PRKG1: variants seen among roughly 807,000 people sequenced by gnomAD.
PRKG1 encodes the protein protein kinase cGMP-dependent 1.
In PRKG1, 35 loss-of-function variants were observed where a neutral mutation model predicts 88.1. The observed-to-expected ratio is 0.40, with a 90% CI of 0.30 to 0.53. The LOEUF is 0.53. Among genes scored for constraint, PRKG1 ranks in the 20% least tolerant of loss-of-function variants. The pLI, the probability that PRKG1 is intolerant of heterozygous loss-of-function variation, is 0.59. For missense variants in PRKG1, 540 were observed against 839.8 expected (o/e 0.64, Z 4.41); for synonymous variants, 303 against 292.5 (o/e 1.04, Z -0.37).
At chr10:51,151,341 G>T (rs1846067376) in intron 1 of PRKG1, among the ~76,000 whole-genome samples, 1 of 151,884 alleles carries the variant, frequency 6.6e-6, no homozygotes, top group Non-Finnish European at 1.5e-5. Context: ...AGATAATACT[G>T]CAATTAATAC....
At chr10:52,037,476 G>A (rs1047299609) in intron 5 of PRKG1, among the ~76,000 whole-genome samples, 4 of 152,196 alleles carry the variant, frequency 2.6e-5, no homozygotes. Context: ...AATGTATTTT[G>A]AGAATAAGAC....
rs191078037 is a variant in PRKG1, at chr10:51,048,961, C to T, written c.266+57317C>T. Among the ~76,000 whole-genome samples the T allele has an allele frequency of 2.6e-3, 388 of 152,102 alleles. 1 individual carries two copies. Among genetic ancestry groups the T allele is most frequent in the African/African-American group, 8.8e-3 (363 of 41,462 alleles). ...CAGACAGTCCTAAATTCTCAGTGGC[C>T]TAGAACTGAGTAAAGATTTATTTCT... On this transcript the variant is annotated intron_variant, in intron 1 of 17. Coordinates refer to the PRKG1 transcript ENST00000401604.
At chr10:51,990,073 T>C (rs546194145) in intron 5 of PRKG1, among the ~76,000 whole-genome samples, 78 of 152,322 alleles carry the variant, frequency 5.1e-4, no homozygotes, top group African/African-American at 1.8e-3. Context: ...ACACTATTTA[T>C]TGAAGAGACT....
intron 4 of PRKG1, among the ~76,000 whole-genome samples, chr10:51,855,312 G>C (rs1840652888): frequency 6.6e-6 from 1 of 152,126 alleles, no homozygotes; most frequent in African/African-American, 2.4e-5. Flanking sequence ...CAGACAATCT[G>C]ATTTTCTATT....
intron 1 of PRKG1, among the ~76,000 whole-genome samples, chr10:51,137,728 G>C (rs954899790): frequency 1.3e-5 from 2 of 152,190 alleles, no homozygotes; most frequent in African/African-American, 4.8e-5. Flanking sequence ...GAGGCAGGGG[G>C]TTGATTTACG....
At chr10:51,867,263 G>C (rs1044140105) in intron 4 of PRKG1, among the ~76,000 whole-genome samples, 2 of 152,176 alleles carry the variant, frequency 1.3e-5, no homozygotes, top group Non-Finnish European at 2.9e-5. Flanking sequence ...GGAGAGGGAA[G>C]TAGCGGAATA....
chr10:51,049,397 G>A (rs866675637), intron 1 of PRKG1, among the ~76,000 whole-genome samples: 25 of 152,128 alleles, frequency 1.6e-4, no homozygotes, highest in African/African-American at 4.8e-4. Flanking sequence ...AGGCTAATGA[G>A]GAAACAATTT....
chr10:51,796,242 A>T (rs955562171), intron 3 of PRKG1, among the ~76,000 whole-genome samples: 1 of 152,132 alleles, frequency 6.6e-6, no homozygotes. Context: ...AACCAACAGA[A>T]ATGTTATATA....
chr10:52,275,677 C>T (rs10762671), intron 12 of PRKG1, among the ~76,000 whole-genome samples: 116,880 of 152,038 alleles, frequency 0.77, 45,521 homozygotes, highest in African/African-American at 0.89. Context: ...CTTTTATGAT[C>T]CCATATGAAT....
chr10:52,270,895 T>TA (rs144200308), intron 10 of PRKG1, among the ~76,000 whole-genome samples: 11 of 151,224 alleles, frequency 7.3e-5, no homozygotes, highest in Non-Finnish European at 1.3e-4. Context: ...AAAAAAAAGA[T>TA]AAAAAAAATT....
At chr10:51,807,581 G>T (rs534906069) in intron 4 of PRKG1, among the ~76,000 whole-genome samples, 1 of 152,286 alleles carries the variant, frequency 6.6e-6, no homozygotes, top group East Asian at 1.9e-4. Context: ...ATAGAATTGT[G>T]CTTGAATGAA....
intron 3 of PRKG1, among the ~76,000 whole-genome samples, chr10:51,671,114 A>G (rs1840563126): frequency 6.6e-6 from 1 of 152,158 alleles, no homozygotes; most frequent in Non-Finnish European, 1.5e-5. Flanking sequence ...TGAGAATCTG[A>G]TCATGCTAAA....
intron 2 of PRKG1, among the ~76,000 whole-genome samples, chr10:51,215,102 G>C (rs1335809145): frequency 1.3e-5 from 2 of 152,132 alleles, no homozygotes; most frequent in Non-Finnish European, 2.9e-5. Flanking sequence ...AAAACAATGC[G>C]AATCATCTAA....
intron 3 of PRKG1, among the ~76,000 whole-genome samples, chr10:51,578,980 GTTT>G (rs752412264): frequency 1.3e-4 from 10 of 77,830 alleles, no homozygotes; most frequent in African/African-American, 4.2e-4. Flanking sequence ...AGTTCTGTTG[GTTT>G]TTTTTTTTTT....
chr10:52,166,803 A>ATG (rs1457237153), intron 9 of PRKG1, among the ~76,000 whole-genome samples: 7 of 25,470 alleles, frequency 2.7e-4, no homozygotes, highest in Admixed American at 1.9e-3. Context: ...ATATACATAT[A>ATG]TATATGTATA....
intron 1 of PRKG1, among the ~76,000 whole-genome samples, chr10:50,996,582 G>T (rs978460575): frequency 3.3e-5 from 5 of 152,188 alleles, no homozygotes; most frequent in African/African-American, 1.2e-4. Context: ...TCTTGGGGTT[G>T]CCATTTACCA....
At chr10:51,265,242 CAGT>C (rs1839809975) in intron 2 of PRKG1, among the ~76,000 whole-genome samples, 1 of 151,940 alleles carries the variant, frequency 6.6e-6, no homozygotes, top group African/African-American at 2.4e-5. Context: ...TTCCTGGAGA[CAGT>C]AGTAGTAGTG....
chr10:52,102,266 G>GGTT (rs1450023225), intron 7 of PRKG1, among the ~76,000 whole-genome samples: 1 of 152,016 alleles, frequency 6.6e-6, no homozygotes, highest in Admixed American at 6.6e-5. Context: ...GCTTTCATAT[G>GGTT]GTTTCCTTGC....
At chr10:51,641,350 G>C (rs1839796037) in intron 3 of PRKG1, among the ~76,000 whole-genome samples, 2 of 152,084 alleles carry the variant, frequency 1.3e-5, no homozygotes, top group Non-Finnish European at 2.9e-5. Context: ...GGGACTAGTG[G>C]GCTGTTCACA....
Sources: gnomAD v4.1 joint callset for allele counts (sites outside exome capture counted in the v4.1 genomes callset) on GRCh38, gnomAD v4.1.1 for gene constraint, MANE v1.5 for transcripts, NCBI Gene and HGNC (gene_info 2026-07-23, HGNC 2026-07-21) for gene names.